KCNA7: variants seen among roughly 807,000 people sequenced by gnomAD.
The protein encoded by KCNA7 is potassium voltage-gated channel subfamily A member 7, also known as potassium channel, voltage gated shaker related subfamily A, member 7.
In KCNA7, 15 loss-of-function variants were observed where a neutral mutation model predicts 21.5. The observed-to-expected ratio is 0.70, with a 90% CI of 0.47 to 1.07. The LOEUF is 1.07. KCNA7 is among the 50% of genes least tolerant of loss of function. The pLI is 0.00. For missense variants in KCNA7, 640 were observed against 651.6 expected (o/e 0.98, Z 0.19); for synonymous variants, 298 against 291.0 (o/e 1.02, Z -0.24).
chr19:49,072,036 C>T lies in KCNA7; in HGVS notation c.550G>A (p.Gly184Ser), dbSNP rs757480933. The T allele has an allele frequency of 1.3e-6, 2 of 1,597,614 alleles. No homozygotes were observed. The highest frequency in any genetic ancestry group is 1.7e-6 in the Non-Finnish European group (2 of 1,173,624). The change falls in exon 1 of 2, where the codon GGC (glycine) becomes AGC (serine). Residue 184 changes from glycine (G) to serine (S), a missense_variant. Physicochemically the swap from Gly to Ser is moderately conservative, Grantham distance 56. Transcript: ENST00000221444. ...GTGLAAAAAA[G>S]PFPAPLNGSS... ...ACCCACGCCCCGCCTCTCACCGGGCCGGCTGCGGCTGCAGCAGCAAGCCCC... is the reference window on the plus strand; with the variant it reads ...ACCCACGCCCCGCCTCTCACCGGGCTGGCTGCGGCTGCAGCAGCAAGCCCC...
Position 49,070,936 on chromosome 19 carries a change from C to A in KCNA7, c.556-58G>T. On this transcript the variant is annotated intron_variant, in intron 1 of 1. Transcript: ENST00000221444. This position sits in a 1 kb window ranked among gnomAD's most constrained non-coding sequence, Gnocchi z 4.3. ...GCTGGGGCTAGGACACGGGGACAGC[C>A]TTAATCATCATTTAAATACCCAGCT... 7.0e-7 allele frequency: 1 copy of A among 1,419,156 alleles called. No individual in the cohort carries two copies. The highest frequency in any genetic ancestry group is 1.3e-5 in the South Asian group (1 of 74,926). The allele number at this position is 1,419,156 out of a possible 1,614,324, so 87.9% of individuals were successfully genotyped here. A position where few individuals can be genotyped will look rare whatever the true frequency, so the allele number is the denominator to read the frequency against.
At position 49,070,042 on chromosome 19, in the gene KCNA7, C is replaced by T; in HGVS notation, c.*21G>A. 1 of 1,558,724 alleles carries T rather than the reference C, an allele frequency of 6.4e-7. No homozygotes were observed. The highest frequency in any genetic ancestry group is 8.7e-7 in the Non-Finnish European group (1 of 1,144,762). On this transcript the variant is annotated 3_prime_UTR_variant, in exon 2 of 2. Coordinates refer to ENST00000221444, the MANE Select transcript of KCNA7 (RefSeq NM_031886.3). The surrounding 1 kb of genome is among the most constrained non-coding windows in gnomAD (Gnocchi z 4.3). ...CCCTCCCTCTAGGGAGGTGTGAGGT[C>T]CTGCAGACCTCAACTGTTCCTCACA...
chr19:49,070,543 G>A lies in KCNA7; in HGVS notation c.891C>T (p.Gly297=), dbSNP rs576524355. ...GAAGCGTCTGGCCCAAGATTTGCAG[G>A]CCCTTTGAGTGCCGGGACAGCTTGA... ...RIFKLSRHSK[G]LQILGQTLRA... The change falls in exon 2 of 2, where the codon GGC becomes GGT. Residue 297 remains glycine, a synonymous_variant. Transcript: ENST00000221444. The surrounding 1 kb of genome is among the most constrained non-coding windows in gnomAD (Gnocchi z 4.3). The A allele has an allele frequency of 1.9e-6, 3 of 1,614,204 alleles. No homozygotes were observed. The highest frequency in any genetic ancestry group is 2.2e-5 in the South Asian group (2 of 91,088).
Position 49,067,758 on chromosome 19 carries a change from G to C in KCNA7, c.*2305C>G, listed in dbSNP as rs1600255198. 1 of 152,158 alleles carries C rather than the reference G, an allele frequency of 6.6e-6. No homozygotes were observed. Among genetic ancestry groups the C allele is most frequent in the Non-Finnish European group, 1.5e-5 (1 of 68,052 alleles). The allele number at this position is 152,158 out of a possible 1,614,324, so 9.4% of individuals were successfully genotyped here. A position where few individuals can be genotyped will look rare whatever the true frequency, so the allele number is the denominator to read the frequency against. On this transcript the variant is annotated 3_prime_UTR_variant, in exon 2 of 2. Coordinates refer to ENST00000221444, the MANE Select transcript of KCNA7 (RefSeq NM_031886.3). ...TTTCTCCCCTGGAAAACAGAGTGAGGCCCCCAGCCTGTCTGACAGCCTTCC... is the reference window on the plus strand; with the variant it reads ...TTTCTCCCCTGGAAAACAGAGTGAGCCCCCCAGCCTGTCTGACAGCCTTCC...
intron 1 of KCNA7, among the ~76,000 whole-genome samples, 153 bp downstream of exon 1, chr19:49,071,878 C>G (rs571259145): frequency 2.9e-4 from 44 of 152,338 alleles, no homozygotes; most frequent in African/African-American, 1.1e-3. Flanking sequence ...TCCTCCGACC[C>G]GGATCCTCAG....
chr19:49,070,088 C>T lies in KCNA7; in HGVS notation c.1346G>A (p.Gly449Glu), dbSNP rs765895551. 8 of 1,607,350 alleles carry T rather than the reference C, an allele frequency of 5.0e-6. No individual in the cohort carries two copies. The highest frequency in any genetic ancestry group is 3.3e-5 in the South Asian group (3 of 90,818). Residue 449 changes from glycine to glutamate, a missense_variant, in exon 2 of 2, where the codon GGG becomes GAG. By Grantham distance (98) the Gly-to-Glu change is moderately conservative (BLOSUM62 -2). Coordinates refer to ENST00000221444, the MANE Select transcript of KCNA7 (RefSeq NM_031886.3). This position sits in a 1 kb window ranked among gnomAD's most constrained non-coding sequence, Gnocchi z 4.3. ...ELPPPLWAPPGKHLVTEV is the reference protein window; with the variant it reads ...ELPPPLWAPPEKHLVTEV ...TCACACTTCGGTGACCAGGTGTTTC[C>T]CTGGGGGTGCCCAGAGTGGAGGTGG...
At position 49,072,619 on chromosome 19, in the gene KCNA7, G is replaced by T. The variant is rs1568412702; in HGVS notation, c.-34C>A. The T allele has an allele frequency of 8.7e-7, 1 of 1,153,184 alleles. No individual in the cohort carries two copies. The highest frequency in any genetic ancestry group is 4.2e-5 in the South Asian group (1 of 23,954). 71.4% of individuals were successfully genotyped at this position (1,153,184 alleles called of 1,614,324 possible). ...CAGCCCCGGCGACCCGCGAACCGAC[G>T]TGTGGCCCCGACGCCCGGCCCCGGT... On this transcript the variant is annotated 5_prime_UTR_variant, in exon 1 of 2. Coordinates refer to ENST00000221444, the MANE Select transcript of KCNA7 (RefSeq NM_031886.3).
At position 49,070,222 on chromosome 19, in the gene KCNA7, C is replaced by T; in HGVS notation, c.1212G>A (p.Glu404=). 1 of 1,614,238 alleles carries T rather than the reference C, an allele frequency of 6.2e-7. No individual in the cohort carries two copies. The change falls in exon 2 of 2, where the codon GAG becomes GAA. Residue 404 remains glutamate (E), a synonymous_variant. Transcript: ENST00000221444. This position sits in a 1 kb window ranked among gnomAD's most constrained non-coding sequence, Gnocchi z 4.3. Reference sequence around the variant, plus strand: ...ACATCCCAGCCTCTTCGCCCTCTGTCTCCCGGTGATAAAAGTAGCTGAAAT... The same window carrying T: ...ACATCCCAGCCTCTTCGCCCTCTGTTTCCCGGTGATAAAAGTAGCTGAAAT... ...VSNFSYFYHR[E]TEGEEAGMFS...
rs2040242997 is a variant in KCNA7, at chr19:49,069,787, G to A, written c.*276C>T. ...ACCTATCTCAACACTACCCCAAAAG[G>A]CTCCATGAGCTTTGCACAACTCAGA... On this transcript the variant is annotated 3_prime_UTR_variant, in exon 2 of 2. Coordinates refer to ENST00000221444, the MANE Select transcript of KCNA7 (RefSeq NM_031886.3). 7.0e-6 allele frequency: 3 copies of A among 430,230 alleles called. No homozygotes were observed. Among genetic ancestry groups the A allele is most frequent in the Non-Finnish European group, 1.3e-5 (3 of 239,660 alleles). 26.7% of individuals were successfully genotyped at this position (430,230 alleles called of 1,614,324 possible).
chr19:49,071,658 G>T (rs1044066922), intron 1 of KCNA7, among the ~76,000 whole-genome samples: 1 of 151,510 alleles, frequency 6.6e-6, no homozygotes, highest in Admixed American at 6.6e-5. Flanking sequence ...TCCTACTGTC[G>T]CCCCTCGGGC....
Position 49,070,557 on chromosome 19 carries a change from G to C in KCNA7, c.877C>G (p.Arg293Gly), listed in dbSNP as rs200316299. ...VRVFRIFKLS[R>G]HSKGLQILGQ... is the part of the protein sequence containing the mutation. The stretch of plus-strand genomic sequence containing the variant: ...AAGATTTGCAGGCCCTTTGAGTGCC[G>C]GGACAGCTTGAAGATGCGGAAGACA... Residue 293 changes from arginine to glycine, a missense_variant, in exon 2 of 2, where the codon CGG becomes GGG. By Grantham distance (125) the Arg-to-Gly change is moderately radical. Coordinates refer to ENST00000221444, the MANE Select transcript of KCNA7 (RefSeq NM_031886.3). The surrounding 1 kb of genome is among the most constrained non-coding windows in gnomAD (Gnocchi z 4.3). 1.2e-6 allele frequency: 2 copies of C among 1,614,174 alleles called. No individual in the cohort carries two copies. The highest frequency in any genetic ancestry group is 1.7e-6 in the Non-Finnish European group (2 of 1,180,038).
At position 49,070,434 on chromosome 19, in the gene KCNA7, C is replaced by T. The variant is rs750280618; in HGVS notation, c.1000G>A (p.Glu334Lys). ...VLFSSAVYFA[E>K]VDRVDSHFTS... Reference sequence around the variant, plus strand: ...AAATGGGAGTCCACCCGGTCAACTTCGGCAAAGTAGACGGCGCTGGAAAAG... The same window carrying T: ...AAATGGGAGTCCACCCGGTCAACTTTGGCAAAGTAGACGGCGCTGGAAAAG... The change falls in exon 2 of 2, where the codon GAA (glutamate) becomes AAA (lysine). Residue 334 changes from glutamate (E) to lysine (K), a missense_variant. Physicochemically the swap from Glu to Lys is moderately conservative, Grantham distance 56. Transcript: ENST00000221444. The surrounding 1 kb of genome is among the most constrained non-coding windows in gnomAD (Gnocchi z 4.3). 5.6e-6 allele frequency: 9 copies of T among 1,614,068 alleles called. No individual in the cohort carries two copies. The highest frequency in any genetic ancestry group is 1.6e-4 in the Middle Eastern group (1 of 6,062).
chr19:49,070,921 G>C lies in KCNA7; in HGVS notation c.556-43C>G, dbSNP rs1340285405. 1.3e-6 allele frequency: 2 copies of C among 1,491,456 alleles called. No individual in the cohort carries two copies. The highest frequency in any genetic ancestry group is 1.8e-6 in the Non-Finnish European group (2 of 1,092,406). 92.4% of individuals were successfully genotyped at this position (1,491,456 alleles called of 1,614,324 possible). ...TTCAGGGAGGGTCAGGCTGGGGCTAGGACACGGGGACAGCCTTAATCATCA... is the reference window on the plus strand; with the variant it reads ...TTCAGGGAGGGTCAGGCTGGGGCTACGACACGGGGACAGCCTTAATCATCA... On this transcript the variant is annotated intron_variant, in intron 1 of 1. Transcript: ENST00000221444. The surrounding 1 kb of genome is among the most constrained non-coding windows in gnomAD (Gnocchi z 4.3).
In KCNA7 at chr19:49,072,369, G is replaced by A. The variant is rs2040265887; in HGVS notation, c.217C>T (p.Gln73Ter). ...GGCCGCCGCAGCCGCCCACCGGACT[G>A]GTAGTAGTAGAGCACGGCGTCGAAG... ...PSFDAVLYYYQSGGRLRRPAH... is the reference protein window; with the variant it reads ...PSFDAVLYYY The change falls in exon 1 of 2, where the codon CAG (glutamine) becomes TAG (stop). Residue 73 changes from glutamine (Q) to a stop codon, truncating the protein, a stop_gained. Coordinates refer to ENST00000221444, the MANE Select transcript of KCNA7 (RefSeq NM_031886.3). LOFTEE classifies it high-confidence loss of function. 5.0e-6 allele frequency: 8 copies of A among 1,593,524 alleles called. No homozygotes were observed. The highest frequency in any genetic ancestry group is 6.8e-6 in the Non-Finnish European group (8 of 1,175,042).
chr19:49,069,151 G>A lies in KCNA7; in HGVS notation c.*912C>T, dbSNP rs2040238713. ...TTGGGTCCTGGTGCTACCACTAAAT[G>A]CAAAACAGCCCGATGTGGCCCTATG... On this transcript the variant is annotated 3_prime_UTR_variant, in exon 2 of 2. Transcript: ENST00000221444. 6.6e-6 allele frequency: 1 copy of A among 152,244 alleles called. No individual in the cohort carries two copies. The highest frequency in any genetic ancestry group is 1.5e-5 in the Non-Finnish European group (1 of 68,094). 9.4% of individuals were successfully genotyped at this position (152,244 alleles called of 1,614,324 possible).
rs1600256320 is a variant in KCNA7, at chr19:49,069,651, A to C, written c.*412T>G. The stretch of plus-strand genomic sequence containing the variant: ...ACTTGACCCAACATGGCCCTAGGGG[A>C]CCCACCAAACCACAGAATCCTACAC... On this transcript the variant is annotated 3_prime_UTR_variant, in exon 2 of 2. Transcript: ENST00000221444. The C allele has an allele frequency of 5.8e-6, 1 of 171,848 alleles. No individual in the cohort carries two copies. Among genetic ancestry groups the C allele is most frequent in the Non-Finnish European group, 1.2e-5 (1 of 80,574 alleles). The allele number at this position is 171,848 out of a possible 1,614,324, so 10.6% of individuals were successfully genotyped here.
chr19:49,072,658 G>A lies in KCNA7; in HGVS notation c.-73C>T. ...CCCGGCCCCGGTGCGGCCCCGCCTC[G>A]GCCGCCTCGGCCGCCGCCGCCGCCG... On this transcript the variant is annotated 5_prime_UTR_variant, in exon 1 of 2. Transcript: ENST00000221444. 1 of 939,444 alleles carries A rather than the reference G, an allele frequency of 1.1e-6. No individual in the cohort carries two copies. The highest frequency in any genetic ancestry group is 4.7e-5 in the South Asian group (1 of 21,250). The allele number at this position is 939,444 out of a possible 1,614,324, so 58.2% of individuals were successfully genotyped here.
In KCNA7 at chr19:49,070,718, T is replaced by C; in HGVS notation, c.716A>G (p.Lys239Arg). Residue 239 changes from lysine to arginine, a missense_variant, in exon 2 of 2, where the codon AAG becomes AGG. By Grantham distance (26) the Lys-to-Arg change is conservative. Transcript: ENST00000221444. This position sits in a 1 kb window ranked among gnomAD's most constrained non-coding sequence, Gnocchi z 4.3. ...LVCPSKAIFF[K>R]NVMNLIDFVA... is the part of the protein sequence containing the mutation. ...AAAATCGATGAGGTTCATCACGTTC[T>C]TGAAGAAGATAGCCTTGCTTGGACA... 6.2e-7 allele frequency: 1 copy of C among 1,614,168 alleles called. No homozygotes were observed. Among genetic ancestry groups the C allele is most frequent in the South Asian group, 1.1e-5 (1 of 91,082 alleles).
rs564635404 is a variant in KCNA7, at chr19:49,070,714, G to A, written c.720C>T (p.Asn240=). 13 of 1,614,190 alleles carry A rather than the reference G, an allele frequency of 8.1e-6. No homozygotes were observed. In the African/African-American group the frequency reaches 1.1e-4, roughly 13 times the overall value. ...VCPSKAIFFK[N]VMNLIDFVAI... ...CCACAAAATCGATGAGGTTCATCAC[G>A]TTCTTGAAGAAGATAGCCTTGCTTG... Residue 240 remains asparagine (N), a synonymous_variant, in exon 2 of 2, where the codon AAC becomes AAT. Transcript: ENST00000221444. This position sits in a 1 kb window ranked among gnomAD's most constrained non-coding sequence, Gnocchi z 4.3.
Sources: allele counts gnomAD v4.1 joint callset (sites outside exome capture counted in the v4.1 genomes callset), GRCh38; gene constraint gnomAD v4.1.1; non-coding constraint Gnocchi (gnomAD v3.1); transcripts MANE v1.5; gene names NCBI Gene and HGNC (gene_info 2026-07-23, HGNC 2026-07-21).